ST3GAL1: variants seen among roughly 807,000 people sequenced by gnomAD.
ST3GAL1 encodes CMP-N-acetylneuraminate-beta-galactosamide-alpha-2,3-sialyltransferase 1.
Under a neutral mutation model 34.1 loss-of-function variants are expected in ST3GAL1, and 16 were observed. That is an observed-to-expected ratio of 0.47 (90% CI 0.32 to 0.71). ST3GAL1 has a LOEUF of 0.71. ST3GAL1 is among the 30% of genes least tolerant of loss of function. ST3GAL1 has a pLI of 0.04. For missense variants in ST3GAL1, 353 were observed against 447.4 expected (o/e 0.79, Z 1.90); for synonymous variants, 191 against 184.7 (o/e 1.03, Z -0.28).
intron 5 of ST3GAL1, among the ~76,000 whole-genome samples, chr8:133,472,869 A>C (rs73708793): frequency 0.026 from 4,002 of 151,666 alleles, 65 homozygotes; most frequent in African/African-American, 0.054. Flanking sequence ...AAAAAAAAAA[A>C]CCCACCTAAG....
At chr8:133,528,564 C>A (rs577796348) in intron 2 of ST3GAL1, among the ~76,000 whole-genome samples, 51 of 152,232 alleles carry the variant, frequency 3.4e-4, no homozygotes, top group Non-Finnish European at 4.3e-4. Context: ...CAGGGGTCAT[C>A]GAATGACAGC....
At chr8:133,561,747 C>T (rs1185376986) in intron 1 of ST3GAL1, among the ~76,000 whole-genome samples, 2 of 152,130 alleles carry the variant, frequency 1.3e-5, no homozygotes, top group Non-Finnish European at 2.9e-5. Context: ...CGAGGTAGCT[C>T]TACCAGGGCT....
At chr8:133,495,595 G>C (rs535421976) in intron 3 of ST3GAL1, among the ~76,000 whole-genome samples, 245 of 152,248 alleles carry the variant, frequency 1.6e-3, no homozygotes, top group Middle Eastern at 0.01. Context: ...AGAATGCAAG[G>C]CTCTGACTGC....
In ST3GAL1 at chr8:133,460,436, C is replaced by T. The variant is rs537382182; in HGVS notation, c.850-499G>A. Among the ~76,000 whole-genome samples, 263 of 152,318 alleles carry T rather than the reference C, an allele frequency of 1.7e-3. 1 individual carries two copies. The highest frequency in any genetic ancestry group is 3.2e-3 in the Non-Finnish European group (215 of 68,028). On this transcript the variant is annotated intron_variant, in intron 9 of 9. Coordinates refer to ENST00000522652, the MANE Select transcript of ST3GAL1 (RefSeq NM_173344.3). ...AAAATGGGTCCAAGAATCATGATTG[C>T]AGTGAGGCAGAGGGCAGGGCTGATC...
At chr8:133,491,993 G>A (rs1238199779) in intron 3 of ST3GAL1, among the ~76,000 whole-genome samples, 2 of 152,154 alleles carry the variant, frequency 1.3e-5, no homozygotes, top group Non-Finnish European at 2.9e-5. Context: ...CCAGTGGGAG[G>A]AGCGAAAACA....
Position 133,476,046 on chromosome 8 carries a change from C to G in ST3GAL1, c.-22G>C. On this transcript the variant is annotated 5_prime_UTR_variant, in exon 5 of 10. Transcript: ENST00000522652. ...CCATCTTCGCAGTCCTGATGGTGGC[C>G]TCCCACGATGGGTAGCAGGAACTCC... is the stretch of plus-strand genomic sequence containing the variant. 6.5e-7 allele frequency: 1 copy of G among 1,538,974 alleles called. No homozygotes were observed. Among genetic ancestry groups the G allele is most frequent in the Admixed American group, 2.0e-5 (1 of 50,130 alleles).
Position 133,461,949 on chromosome 8 carries a change from A to G in ST3GAL1, c.775T>C (p.Trp259Arg). Reference protein sequence around the residue: ...PAFIKYVFDNWLQGHGRYPST... With the variant: ...PAFIKYVFDNRLQGHGRYPST... ...GGGTATCGCCCGTGCCCTTGCAGCC[A>G]GTTGTCAAAGACATACTTGATGAAG... Residue 259 changes from tryptophan (W) to arginine (R), a missense_variant, in exon 9 of 10, where the codon TGG becomes CGG. By Grantham distance (101) the Trp-to-Arg change is moderately radical. Coordinates refer to ENST00000522652, the MANE Select transcript of ST3GAL1 (RefSeq NM_173344.3). This position sits in a 1 kb window ranked among gnomAD's most constrained non-coding sequence, Gnocchi z 4.7. 1 of 1,614,202 alleles carries G rather than the reference A, an allele frequency of 6.2e-7. No individual in the cohort carries two copies. The highest frequency in any genetic ancestry group is 8.5e-7 in the Non-Finnish European group (1 of 1,180,036).
intron 7 of ST3GAL1, among the ~76,000 whole-genome samples, chr8:133,464,039 C>T (rs558877533): frequency 3.3e-5 from 5 of 151,558 alleles, no homozygotes; most frequent in African/African-American, 9.7e-5. Flanking sequence ...CACCCACATC[C>T]GGGGGCTAGC....
Position 133,525,914 on chromosome 8 carries a change from G to T in ST3GAL1, c.-429+19860C>A, listed in dbSNP as rs191301621. Reference sequence around the variant, plus strand: ...GTCCCCAAGAGCAGAGGGATGCCTGGGTCCAGAGCTGTGGCTAGGTAGCTG... The same window carrying T: ...GTCCCCAAGAGCAGAGGGATGCCTGTGTCCAGAGCTGTGGCTAGGTAGCTG... On this transcript the variant is annotated intron_variant, in intron 2 of 9. Coordinates refer to ENST00000522652, the MANE Select transcript of ST3GAL1 (RefSeq NM_173344.3). Among the ~76,000 whole-genome samples, 226 of 152,296 alleles carry T rather than the reference G, an allele frequency of 1.5e-3. 1 individual carries two copies. Among genetic ancestry groups the T allele is most frequent in the African/African-American group, 5.2e-3 (215 of 41,566 alleles).
rs1256489585 is a variant in ST3GAL1, at chr8:133,475,788, G to T, written c.237C>A (p.Asn79Lys). ...KLSAWFDERFNQTMQPLLTAQ... is the reference protein window; with the variant it reads ...KLSAWFDERFKQTMQPLLTAQ... ...CGGTCAGCAGCGGCTGCATGGTCTG[G>T]TTGAACCTCTCATCGAACCAGGCCG... Residue 79 changes from asparagine to lysine, a missense_variant, in exon 5 of 10, where the codon AAC becomes AAA. Coordinates refer to ENST00000522652, the MANE Select transcript of ST3GAL1 (RefSeq NM_173344.3). 1 of 1,614,000 alleles carries T rather than the reference G, an allele frequency of 6.2e-7. No individual in the cohort carries two copies. Among genetic ancestry groups the T allele is most frequent in the South Asian group, 1.1e-5 (1 of 91,070 alleles).
At position 133,459,738 on chromosome 8, in the gene ST3GAL1, G is replaced by A. The variant is rs1268937500; in HGVS notation, c.*26C>T. On this transcript the variant is annotated 3_prime_UTR_variant, in exon 10 of 10. Coordinates refer to ENST00000522652, the MANE Select transcript of ST3GAL1 (RefSeq NM_173344.3). The surrounding 1 kb of genome is among the most constrained non-coding windows in gnomAD (Gnocchi z 4.7). ...GCTGGAAATGCAGAGGTGTGACAGT[G>A]CGTCCATCCTCAGCCCTTCACTGCG... 6.3e-7 allele frequency: 1 copy of A among 1,585,632 alleles called. No individual in the cohort carries two copies. The highest frequency in any genetic ancestry group is 8.6e-7 in the Non-Finnish European group (1 of 1,162,714).
intron 2 of ST3GAL1, among the ~76,000 whole-genome samples, chr8:133,530,272 TTTTC>T (rs946485035): frequency 4.9e-5 from 6 of 123,236 alleles, no homozygotes; most frequent in African/African-American, 1.7e-4. Flanking sequence ...CTTCTTTTTT[TTTTC>T]TTTATTTTTA....
At chr8:133,476,186 G>C in intron 4 of ST3GAL1, 92 bp downstream of exon 4, 1 of 740,668 alleles carries the variant, frequency 1.4e-6, no homozygotes, top group Admixed American at 3.2e-5. Flanking sequence ...CTTCACTCCT[G>C]CTGGGGGATG....
At chr8:133,468,920 G>C (rs959890593) in intron 5 of ST3GAL1, among the ~76,000 whole-genome samples, 3 of 152,166 alleles carry the variant, frequency 2.0e-5, no homozygotes, top group Non-Finnish European at 4.4e-5. Flanking sequence ...TCTCCAACTA[G>C]CAAGGGCTGC....
intron 1 of ST3GAL1, among the ~76,000 whole-genome samples, chr8:133,563,956 C>T (rs955971480): frequency 5.9e-5 from 9 of 152,172 alleles, no homozygotes; most frequent in African/African-American, 2.2e-4. Context: ...ACGAGCAGCC[C>T]GCCCTGAATC....
chr8:133,551,586 GAAAGAAAGAA>G (rs1324813842), intron 1 of ST3GAL1, among the ~76,000 whole-genome samples: 1 of 149,884 alleles, frequency 6.7e-6, no homozygotes, highest in African/African-American at 2.5e-5. Flanking sequence ...AAGAAAGAAA[GAAAGAAAGAA>G]AGAAAGAAAG....
rs1815265636 is a variant in ST3GAL1 at position 133,455,541 on chromosome 8, T to A, written c.*4223A>T. ...GACAAACAAAAATGGGGAGGTTGAC[T>A]CTATCTCAAAACTAGCTAGCCCAGT... is the stretch of plus-strand genomic sequence containing the variant. On this transcript the variant is annotated 3_prime_UTR_variant, in exon 10 of 10. Coordinates refer to ENST00000522652, the MANE Select transcript of ST3GAL1 (RefSeq NM_173344.3). 6.6e-6 allele frequency: 1 copy of A among 152,230 alleles called. No individual in the cohort carries two copies. Among genetic ancestry groups the A allele is most frequent in the Non-Finnish European group, 1.5e-5 (1 of 68,068 alleles). 9.4% of individuals were successfully genotyped at this position (152,230 alleles called of 1,614,324 possible).
At chr8:133,568,892 C>T (rs1819482485) in intron 1 of ST3GAL1, among the ~76,000 whole-genome samples, 1 of 152,130 alleles carries the variant, frequency 6.6e-6, no homozygotes, top group Non-Finnish European at 1.5e-5. Flanking sequence ...AGCTCACAGA[C>T]GACTTCATCC....
chr8:133,472,323 G>C (rs1461037880), intron 5 of ST3GAL1, among the ~76,000 whole-genome samples: 1 of 152,136 alleles, frequency 6.6e-6, no homozygotes, highest in African/African-American at 2.4e-5. Flanking sequence ...GGGAGCTCGG[G>C]ACCTCACATT....
Sources: gnomAD v4.1 joint callset for allele counts (sites outside exome capture counted in the v4.1 genomes callset) on GRCh38, gnomAD v4.1.1 for gene constraint, Gnocchi (gnomAD v3.1) non-coding constraint, MANE v1.5 for transcripts, NCBI Gene and HGNC (gene_info 2026-07-23, HGNC 2026-07-21) for gene names.